GNAI1: variants seen among roughly 807,000 people sequenced by gnomAD.
GNAI1 encodes guanine nucleotide-binding protein G(i) subunit alpha-1.
In GNAI1, 11 loss-of-function variants were observed where a neutral mutation model predicts 38.9. That is an observed-to-expected ratio of 0.28 (90% confidence interval 0.18 to 0.47). The LOEUF is 0.47. GNAI1 is among the 20% of genes least tolerant of loss of function. GNAI1 has a pLI of 0.99. For missense variants in GNAI1, 317 were observed against 436.9 expected (o/e 0.73, Z 2.45); for synonymous variants, 166 against 145.1 (o/e 1.14, Z -1.04).
intron 1 of GNAI1, among the ~76,000 whole-genome samples, chr7:80,164,650 C>G (rs931300367): frequency 3.3e-5 from 5 of 152,152 alleles, no homozygotes; most frequent in Admixed American, 2.0e-4. Flanking sequence ...TCACATTTTA[C>G]TTTTTAATGA....
chr7:80,156,646 C>T (rs544009501), intron 1 of GNAI1, among the ~76,000 whole-genome samples: 4 of 152,096 alleles, frequency 2.6e-5, no homozygotes, highest in Non-Finnish European at 5.9e-5. Context: ...GTTTCCCAGG[C>T]TGGTCTTAAA....
intron 1 of GNAI1, among the ~76,000 whole-genome samples, chr7:80,177,246 G>A (rs2115586687): frequency 6.6e-6 from 1 of 151,830 alleles, no homozygotes; most frequent in Non-Finnish European, 1.5e-5. Flanking sequence ...TAGCCAGGAT[G>A]GTCTTGATCT....
intron 5 of GNAI1, among the ~76,000 whole-genome samples, chr7:80,209,163 A>G (rs1458546856): frequency 2.0e-5 from 3 of 152,152 alleles, no homozygotes; most frequent in Non-Finnish European, 4.4e-5. Context: ...ATATTACCCA[A>G]TTCCAAAGTC....
chr7:80,174,166 A>G (rs1788143473), intron 1 of GNAI1, among the ~76,000 whole-genome samples: 2 of 152,206 alleles, frequency 1.3e-5, no homozygotes, highest in African/African-American at 4.8e-5. Context: ...AATCATAGAG[A>G]TACCATTTTT....
At chr7:80,154,365 G>A (rs1359049692) in intron 1 of GNAI1, among the ~76,000 whole-genome samples, 1 of 152,192 alleles carries the variant, frequency 6.6e-6, no homozygotes, top group Non-Finnish European at 1.5e-5. Flanking sequence ...TGAATTTGGT[G>A]AATTTTGTAC....
chr7:80,208,126 C>A (rs1562843706), intron 5 of GNAI1, among the ~76,000 whole-genome samples: 1 of 152,110 alleles, frequency 6.6e-6, no homozygotes, highest in Admixed American at 6.6e-5. Context: ...AGGCATAAAT[C>A]ATCACTTCTC....
chr7:80,199,463 C>A, intron 4 of GNAI1, 81 bp downstream of exon 4: 3 of 1,050,632 alleles, frequency 2.9e-6, no homozygotes, highest in Middle Eastern at 3.1e-4. Flanking sequence ...AATTTTACTG[C>A]AGAATTGGCT....
intron 1 of GNAI1, among the ~76,000 whole-genome samples, chr7:80,159,550 C>T (rs564366278): frequency 1.3e-5 from 2 of 152,160 alleles, no homozygotes; most frequent in African/African-American, 2.4e-5. Flanking sequence ...TACATGTATA[C>T]GTTGTGTACA....
At chr7:80,216,291 G>A (rs1788966720) in intron 7 of GNAI1, among the ~76,000 whole-genome samples, 1 of 150,640 alleles carries the variant, frequency 6.6e-6, no homozygotes. Context: ...GCCCCATCAT[G>A]CTTCCTCTCA....
chr7:80,217,544 T>C lies in GNAI1; in HGVS notation c.*51T>C. 9.5e-7 allele frequency: 1 copy of C among 1,049,776 alleles called. No homozygotes were observed. The allele number at this position is 1,049,776 out of a possible 1,614,324, so 65.0% of individuals were successfully genotyped here. On this transcript the variant is annotated 3_prime_UTR_variant, in exon 8 of 8. Coordinates refer to ENST00000649796, the MANE Select transcript of GNAI1 (RefSeq NM_002069.6). ...TTTTCAAACCAAATGAGTACTTATA[T>C]ATGGATCTCTGTAGACTAGAGTCTT...
At chr7:80,214,014 G>A (rs914106403) in intron 7 of GNAI1, among the ~76,000 whole-genome samples, 2 of 152,020 alleles carry the variant, frequency 1.3e-5, no homozygotes, top group Non-Finnish European at 2.9e-5. Context: ...AGAATACCGG[G>A]GCTTCCTGAA....
At chr7:80,196,310 C>A (rs917450146) in intron 3 of GNAI1, among the ~76,000 whole-genome samples, 2 of 151,918 alleles carry the variant, frequency 1.3e-5, no homozygotes, top group Admixed American at 6.6e-5. Flanking sequence ...GGCAAATAAT[C>A]TTTCTTTTCA....
At chr7:80,189,378 C>T (rs929104055) in intron 3 of GNAI1, 147 bp downstream of exon 3, 25 of 680,634 alleles carry the variant, frequency 3.7e-5, no homozygotes, top group African/African-American at 2.0e-4. Context: ...AAATGAGGAG[C>T]GTTAGAAGTG....
chr7:80,175,020 A>G (rs1788158118), intron 1 of GNAI1, among the ~76,000 whole-genome samples: 1 of 152,224 alleles, frequency 6.6e-6, no homozygotes, highest in Non-Finnish European at 1.5e-5. Flanking sequence ...ATACCAAAGC[A>G]TGATGGTTGG....
At chr7:80,188,053 G>A (rs902613674) in intron 1 of GNAI1, among the ~76,000 whole-genome samples, 1 of 152,080 alleles carries the variant, frequency 6.6e-6, no homozygotes, top group African/African-American at 2.4e-5. Flanking sequence ...CTTATGGCTT[G>A]CATAACAATG....
intron 1 of GNAI1, among the ~76,000 whole-genome samples, chr7:80,182,444 T>C (rs539452899): frequency 6.6e-4 from 100 of 152,320 alleles, no homozygotes; most frequent in Non-Finnish European, 1.3e-3. Context: ...AAGTGGGTCA[T>C]TTTGAAGCTG....
chr7:80,194,213 T>C (rs1788529378), intron 3 of GNAI1, among the ~76,000 whole-genome samples: 1 of 152,164 alleles, frequency 6.6e-6, no homozygotes, highest in Non-Finnish European at 1.5e-5. Context: ...CATGTATCAG[T>C]TTAATTTGAA....
At position 80,217,508 on chromosome 7, in the gene GNAI1, G is replaced by T. The variant is rs574727038; in HGVS notation, c.*15G>T. ...GTCTCTTTTAAGTTTTGCAGTTCAT[G>T]GTAAAATGCATTTTCAAACCAAATG... On this transcript the variant is annotated 3_prime_UTR_variant, in exon 8 of 8. Transcript: ENST00000649796. The T allele has an allele frequency of 6.6e-7, 1 of 1,513,246 alleles. No individual in the cohort carries two copies. The highest frequency in any genetic ancestry group is 2.3e-5 in the East Asian group (1 of 43,580). 93.7% of individuals were successfully genotyped at this position (1,513,246 alleles called of 1,614,324 possible). A position where few individuals can be genotyped will look rare whatever the true frequency, so the allele number is the denominator to read the frequency against.
chr7:80,135,854 T>G lies in GNAI1; in HGVS notation c.118+576T>G, dbSNP rs1378938805. 7 of 985,190 alleles carry G rather than the reference T, an allele frequency of 7.1e-6. No individual in the cohort carries two copies. In the South Asian group the frequency reaches 2.3e-4, roughly 33 times the overall value. 61.0% of individuals were successfully genotyped at this position (985,190 alleles called of 1,614,324 possible). A position where few individuals can be genotyped will look rare whatever the true frequency, so the allele number is the denominator to read the frequency against. On this transcript the variant is annotated intron_variant, in intron 1 of 7. Transcript: ENST00000649796. ...CCTTAAGTGGTCAAGGAGCGCTGAT[T>G]ACATTCCCCCTGCGCTGAGAAAAGG... is the stretch of plus-strand genomic sequence containing the variant.
Sources: allele counts gnomAD v4.1 joint callset (sites outside exome capture counted in the v4.1 genomes callset), GRCh38; gene constraint gnomAD v4.1.1; transcripts MANE v1.5; gene names NCBI Gene and HGNC (gene_info 2026-07-23, HGNC 2026-07-21).